The following CNOT6 variants were observed in gnomAD, a reference collection of about 807,000 sequenced individuals.
CNOT6 encodes the protein carbon catabolite repression 4 protein.
In CNOT6, 12 loss-of-function variants were observed where a neutral mutation model predicts 61.2. The ratio of observed to expected loss-of-function variants is 0.20; its 90% CI spans 0.13 to 0.32. CNOT6 has a LOEUF of 0.32. CNOT6 is among the 10% of genes least tolerant of loss of function. CNOT6 has a pLI of 1.00. For missense variants in CNOT6, 405 were observed against 663.9 expected, an observed-to-expected ratio of 0.61 and a Z score of 4.28; for synonymous variants, 225 against 240.6, an observed-to-expected ratio of 0.94 and a Z score of 0.60.
At chr5:180,554,979 T>C (rs1018264055) in intron 4 of CNOT6, among the ~76,000 whole-genome samples, 10 of 152,092 alleles carry the variant, frequency 6.6e-5, no homozygotes, top group Admixed American at 5.2e-4. Context: ...ACAAACTTTA[T>C]TTGAAGTTAG....
At chr5:180,546,547 ATTTC>A (rs1759322705) in intron 2 of CNOT6, among the ~76,000 whole-genome samples, 1 of 152,020 alleles carries the variant, frequency 6.6e-6, no homozygotes, top group African/African-American at 2.4e-5. Context: ...CCCATCCATT[ATTTC>A]TTTGTGATGT....
chr5:180,570,879 A>T (rs1760715653), intron 10 of CNOT6, among the ~76,000 whole-genome samples: 1 of 152,216 alleles, frequency 6.6e-6, no homozygotes, highest in Non-Finnish European at 1.5e-5. Context: ...AGAAGTCTGC[A>T]TACTAAGATG....
intron 4 of CNOT6, among the ~76,000 whole-genome samples, chr5:180,554,517 GT>G (rs11391000): frequency 6.6e-6 from 1 of 151,326 alleles, no homozygotes; most frequent in Non-Finnish European, 1.5e-5. Context: ...TAAAAGAACA[GT>G]TTTTTTTAAA....
At chr5:180,512,707 C>G (rs989680435) in intron 1 of CNOT6, among the ~76,000 whole-genome samples, 3 of 151,662 alleles carry the variant, frequency 2.0e-5, no homozygotes, top group African/African-American at 7.3e-5. Flanking sequence ...AGCAATTCTC[C>G]TGCCTCAGCC....
At chr5:180,541,441 ATTTTTTTTTT>A (rs1163850404) in intron 2 of CNOT6, among the ~76,000 whole-genome samples, 2 of 106,538 alleles carry the variant, frequency 1.9e-5, no homozygotes, top group Admixed American at 1.2e-4. Context: ...TGGCCAAGAA[ATTTTTTTTTT>A]TTTTTTTTTT....
rs1760979798 is a variant in CNOT6, at chr5:180,575,885, T to G, written c.*1685T>G. On this transcript the variant is annotated 3_prime_UTR_variant, in exon 12 of 12. Transcript: ENST00000261951. ...AGAAAATGAGTCATTTTGGAAATGA[T>G]TCTTATGTTTTTTTTTTTTCTCCTT... The G allele has an allele frequency of 6.8e-6, 1 of 147,540 alleles. No individual in the cohort carries two copies. Among genetic ancestry groups the G allele is most frequent in the Non-Finnish European group, 1.5e-5 (1 of 65,748 alleles). The allele number at this position is 147,540 out of a possible 1,614,324, so 9.1% of individuals were successfully genotyped here.
chr5:180,519,914 A>G (rs907105536), intron 1 of CNOT6, among the ~76,000 whole-genome samples: 1 of 150,702 alleles, frequency 6.6e-6, no homozygotes, highest in African/African-American at 2.4e-5. Flanking sequence ...GCTCACCACA[A>G]CCTCTGCCTC....
At chr5:180,545,038 A>G (rs897015463) in intron 2 of CNOT6, among the ~76,000 whole-genome samples, 3 of 152,244 alleles carry the variant, frequency 2.0e-5, no homozygotes, top group Non-Finnish European at 4.4e-5. Context: ...AGTTTTATGA[A>G]TGGAAAATTA....
chr5:180,524,969 T>G (rs554839766), intron 1 of CNOT6, among the ~76,000 whole-genome samples: 24 of 152,262 alleles, frequency 1.6e-4, no homozygotes, highest in Admixed American at 2.6e-4. Flanking sequence ...CATTTTATAT[T>G]TTCTAGGTTA....
intron 1 of CNOT6, among the ~76,000 whole-genome samples, chr5:180,499,217 G>A (rs1039590915): frequency 1.3e-5 from 2 of 152,224 alleles, no homozygotes; most frequent in Admixed American, 1.3e-4. Flanking sequence ...TGTTTTGGAA[G>A]AAGTTAAAAG....
chr5:180,561,355 T>TG lies in CNOT6; in HGVS notation c.386-3134_386-3133insG, dbSNP rs1561661712. On this transcript the variant is annotated intron_variant, in intron 4 of 11. Coordinates refer to ENST00000261951, the MANE Select transcript of CNOT6 (RefSeq NM_001370472.1). ...TCAGTCTTCCTGTTTTCTTGTGTGT[T>TG]TTGTGTGTGTGTGTGTGTGTGTGTG... Among the ~76,000 whole-genome samples the TG allele has an allele frequency of 2.9e-4, 31 of 106,114 alleles. 1 individual carries two copies. Among genetic ancestry groups the TG allele is most frequent in the African/African-American group, 8.8e-4 (26 of 29,568 alleles). 69.6% of individuals were successfully genotyped at this position (106,114 alleles called of 152,430 possible).
At chr5:180,570,477 C>T (rs898228928) in intron 10 of CNOT6, among the ~76,000 whole-genome samples, 2 of 152,200 alleles carry the variant, frequency 1.3e-5, no homozygotes, top group African/African-American at 4.8e-5. Context: ...CTGGGGATTA[C>T]TGCCCCTGAA....
intron 2 of CNOT6, among the ~76,000 whole-genome samples, chr5:180,538,333 C>T (rs1758825077): frequency 6.7e-6 from 1 of 148,538 alleles, no homozygotes; most frequent in African/African-American, 2.4e-5. Context: ...GCCACCGCAC[C>T]TGGCCGGAAC....
At chr5:180,566,670 G>C (rs1254851824) in intron 7 of CNOT6, among the ~76,000 whole-genome samples, 1 of 127,468 alleles carries the variant, frequency 7.8e-6, no homozygotes, top group African/African-American at 3.0e-5. Context: ...TTTTTTTTGG[G>C]TGGTGGGGAG....
At chr5:180,533,344 C>T (rs1214610905) in intron 2 of CNOT6, among the ~76,000 whole-genome samples, 3 of 105,954 alleles carry the variant, frequency 2.8e-5, no homozygotes, top group Non-Finnish European at 6.2e-5. Context: ...ATATATATAT[C>T]ACCGTAATAC....
At position 180,531,444 on chromosome 5, in the gene CNOT6, G is replaced by A. The variant is rs534173433; in HGVS notation, c.112+2056G>A. Among the ~76,000 whole-genome samples the A allele has an allele frequency of 7.3e-5, 11 of 151,264 alleles. No individual in the cohort carries two copies. The South Asian group carries it at 8.4e-4, about 12-fold the overall frequency. On this transcript the variant is annotated intron_variant, in intron 2 of 11. Coordinates refer to ENST00000261951, the MANE Select transcript of CNOT6 (RefSeq NM_001370472.1). ...AGACGATGGGCGGCCGGGCAGAGACGCTCCTCATTTCCTAGACGGGATGGC... is the reference window on the plus strand; with the variant it reads ...AGACGATGGGCGGCCGGGCAGAGACACTCCTCATTTCCTAGACGGGATGGC...
rs35909953 is a variant in CNOT6 at position 180,561,356 on chromosome 5, TTGTGTGTGTGTG to T, written c.386-3107_386-3096del. Among the ~76,000 whole-genome samples, 116 of 144,844 alleles carry T rather than the reference TTGTGTGTGTGTG, an allele frequency of 8.0e-4. 1 individual carries two copies. Among genetic ancestry groups the T allele is most frequent in the Admixed American group, 2.8e-3 (41 of 14,514 alleles). On this transcript the variant is annotated intron_variant, in intron 4 of 11. Transcript: ENST00000261951. Reference sequence around the variant, plus strand: ...CAGTCTTCCTGTTTTCTTGTGTGTTTTGTGTGTGTGTGTGTGTGTGTGTGTGTGTGTGTGTGT... The same window carrying T: ...CAGTCTTCCTGTTTTCTTGTGTGTTTTGTGTGTGTGTGTGTGTGTGTGTGT...
intron 4 of CNOT6, among the ~76,000 whole-genome samples, chr5:180,557,899 GGTTCTTTTTGTGTGT>G (rs1759978090): frequency 1.4e-5 from 2 of 147,770 alleles, no homozygotes; most frequent in South Asian, 4.3e-4. Flanking sequence ...ATTAGCTCAA[GGTTCTTTTTGTGTGT>G]GTGTGGCCTG....
Position 180,566,273 on chromosome 5 carries a change from C to T in CNOT6, c.717+296C>T, listed in dbSNP as rs75562204. 3.8e-3 allele frequency among the ~76,000 whole-genome samples: 578 copies of T among 152,334 alleles called. 3 individuals carry two copies. Among genetic ancestry groups the T allele is most frequent in the Non-Finnish European group, 4.0e-3 (271 of 68,032 alleles). On this transcript the variant is annotated intron_variant, in intron 7 of 11. Transcript: ENST00000261951. ...ATTGGGTGGCAAAGTTACTGAAATTCTAGCGTGGTCAAGCTATAACTTGCA... is the reference window on the plus strand; with the variant it reads ...ATTGGGTGGCAAAGTTACTGAAATTTTAGCGTGGTCAAGCTATAACTTGCA...
Sources: allele counts gnomAD v4.1 joint callset (sites outside exome capture counted in the v4.1 genomes callset), GRCh38; gene constraint gnomAD v4.1.1; transcripts MANE v1.5; gene names NCBI Gene and HGNC (gene_info 2026-07-23, HGNC 2026-07-21).